IQCJ: variants seen among roughly 807,000 people sequenced by gnomAD.
The protein encoded by IQCJ is IQ domain-containing protein J.
IQCJ carries 9 observed loss-of-function variants against 11.0 expected under a neutral mutation model. The ratio of observed to expected loss-of-function variants is 0.82; its 90% CI spans 0.49 to 1.43. The LOEUF is 1.43. IQCJ is among the 40% of genes most tolerant of loss of function. The pLI is 0.00. For synonymous variants in IQCJ, 55 were observed against 51.3 expected (o/e 1.07, Z -0.31); for missense variants, 146 against 133.2 (o/e 1.10, Z -0.47).
chr3:159,079,018 G>T (rs1435013265), intron 1 of IQCJ, among the ~76,000 whole-genome samples: 3 of 152,032 alleles, frequency 2.0e-5, no homozygotes, highest in Non-Finnish European at 4.4e-5. Flanking sequence ...TGGCAGGCAG[G>T]GTTCTGATAG....
intron 3 of IQCJ, among the ~76,000 whole-genome samples, chr3:159,261,294 C>T (rs566997477): frequency 3.9e-5 from 6 of 152,232 alleles, no homozygotes; most frequent in South Asian, 4.1e-4. Context: ...ACAACTAGTC[C>T]GCATGAACTG....
chr3:159,251,488 TAATCTATTGATGGTTTGTTA>T (rs1405678196), intron 2 of IQCJ, among the ~76,000 whole-genome samples: 1 of 151,872 alleles, frequency 6.6e-6, no homozygotes, highest in Admixed American at 6.6e-5. Flanking sequence ...CTGTAGATCA[TAATCTATTGATGGTTTGTTA>T]AATAAATTTG....
In IQCJ at chr3:159,069,468, C is replaced by A. The variant is rs750669096; in HGVS notation, c.9+27C>A. 20 of 1,606,194 alleles carry A rather than the reference C, an allele frequency of 1.2e-5. No homozygotes were observed. In the South Asian group the frequency reaches 2.0e-4, roughly 16 times the overall value. On this transcript the variant is annotated intron_variant, in intron 1 of 3. Coordinates refer to ENST00000397832, the MANE Select transcript of IQCJ (RefSeq NM_001042706.3). ...TAATGTATTTGCTTTTCTAAACGTG[C>A]CACTTTGATGTGCATTATATGCAGC...
intron 1 of IQCJ, among the ~76,000 whole-genome samples, chr3:159,172,351 A>C (rs1722524738): frequency 6.6e-6 from 1 of 152,200 alleles, no homozygotes. Context: ...CAACCATGAA[A>C]AAGTATACAT....
Position 159,182,729 on chromosome 3 carries a change from A to G in IQCJ, c.10-63114A>G, listed in dbSNP as rs1054482725. 2.0e-4 allele frequency among the ~76,000 whole-genome samples: 31 copies of G among 151,900 alleles called. 1 individual carries two copies. Among genetic ancestry groups the G allele is most frequent in the Admixed American group, 6.6e-4 (10 of 15,260 alleles). On this transcript the variant is annotated intron_variant, in intron 1 of 3. Coordinates refer to ENST00000397832, the MANE Select transcript of IQCJ (RefSeq NM_001042706.3). ...CAGTGCTTTTCTATCAATGTCTGTA[A>G]TCTATAGATAACCGATTAGGTCAGG...
rs192334196 is a variant in IQCJ at position 159,219,163 on chromosome 3, G to A, written c.10-26680G>A. On this transcript the variant is annotated intron_variant, in intron 1 of 3. Transcript: ENST00000397832. ...CACAGTTCTAGGGGGCATCTCTAGGGACCATTACTCTGTTTACTAGAACCT... is the reference window on the plus strand; with the variant it reads ...CACAGTTCTAGGGGGCATCTCTAGGAACCATTACTCTGTTTACTAGAACCT... Among the ~76,000 whole-genome samples, 90 of 152,116 alleles carry A rather than the reference G, an allele frequency of 5.9e-4. 1 individual carries two copies. In the South Asian group the frequency reaches 0.01, roughly 18 times the overall value.
At chr3:159,132,523 C>A (rs193059321) in intron 1 of IQCJ, among the ~76,000 whole-genome samples, 1 of 152,192 alleles carries the variant, frequency 6.6e-6, no homozygotes, top group East Asian at 1.9e-4. Context: ...AGTTGTGTGA[C>A]CAGAGACAAA....
At chr3:159,162,940 C>G (rs1487915938) in intron 1 of IQCJ, among the ~76,000 whole-genome samples, 1 of 152,092 alleles carries the variant, frequency 6.6e-6, no homozygotes, top group Non-Finnish European at 1.5e-5. Context: ...AGTAGCTTAC[C>G]AACTAAAAAG....
chr3:159,108,632 C>A (rs1718422773), intron 1 of IQCJ, among the ~76,000 whole-genome samples: 1 of 152,174 alleles, frequency 6.6e-6, no homozygotes, highest in African/African-American at 2.4e-5. Context: ...AGCTGTGAAA[C>A]TAATGTAATG....
intron 1 of IQCJ, among the ~76,000 whole-genome samples, chr3:159,224,255 T>C (rs1725715992): frequency 6.6e-6 from 1 of 152,070 alleles, no homozygotes; most frequent in South Asian, 2.1e-4. Context: ...ACAATTTGAG[T>C]TATAGTAATA....
At chr3:159,207,616 G>A (rs1468409299) in intron 1 of IQCJ, among the ~76,000 whole-genome samples, 1 of 152,164 alleles carries the variant, frequency 6.6e-6, no homozygotes, top group African/African-American at 2.4e-5. Flanking sequence ...AGGCCTAATG[G>A]AGTCATATTC....
intron 1 of IQCJ, among the ~76,000 whole-genome samples, chr3:159,186,916 A>C (rs1723403602): frequency 6.6e-6 from 1 of 152,184 alleles, no homozygotes; most frequent in South Asian, 2.1e-4. Context: ...CTGAAGAGTG[A>C]AAAACAAGCC....
intron 1 of IQCJ, among the ~76,000 whole-genome samples, chr3:159,134,834 A>C (rs1720196629): frequency 6.6e-6 from 1 of 152,342 alleles, no homozygotes; most frequent in Non-Finnish European, 1.5e-5. Flanking sequence ...TTCAGGGTGA[A>C]TAATTACCTT....
Position 159,107,959 on chromosome 3 carries a change from C to T in IQCJ, c.9+38518C>T, listed in dbSNP as rs1050667162. Among the ~76,000 whole-genome samples the T allele has an allele frequency of 8.1e-5, 12 of 148,730 alleles. No homozygotes were observed. In the East Asian group the frequency reaches 2.4e-3, roughly 29 times the overall value. ...CTGCTCCTGCTTGCAGGCTTCCTTA[C>T]CCTAGCTGTGCGAATTGAGATTGTG... On this transcript the variant is annotated intron_variant, in intron 1 of 3. Coordinates refer to ENST00000397832, the MANE Select transcript of IQCJ (RefSeq NM_001042706.3).
Position 159,245,859 on chromosome 3 carries a change from T to G in IQCJ, c.26T>G (p.Leu9Trp), listed in dbSNP as rs1489430605. The change falls in exon 2 of 4, where the codon TTG (leucine) becomes TGG (tryptophan). Residue 9 changes from leucine to tryptophan, a missense_variant. Coordinates refer to ENST00000397832, the MANE Select transcript of IQCJ (RefSeq NM_001042706.3). MRLEELKRLQNPLEQVNDG... is the reference protein window; with the variant it reads MRLEELKRWQNPLEQVNDG... ...TTTTCACAGGAAGAACTGAAAAGAT[T>G]GCAGAATCCTCTAGAACAAGTTAAT... The G allele has an allele frequency of 2.6e-6, 4 of 1,547,336 alleles. No homozygotes were observed. Among genetic ancestry groups the G allele is most frequent in the Non-Finnish European group, 2.6e-6 (3 of 1,141,596 alleles).
intron 1 of IQCJ, among the ~76,000 whole-genome samples, chr3:159,223,887 A>G (rs879603612): frequency 2.6e-5 from 4 of 152,208 alleles, no homozygotes; most frequent in Admixed American, 2.6e-4. Flanking sequence ...AACACAAATG[A>G]ATTTGTGTTT....
chr3:159,265,237 A>G (rs1299963655), downstream of IQCJ: 6 of 1,613,654 alleles, frequency 3.7e-6, no homozygotes, highest in Non-Finnish European at 5.1e-6. Flanking sequence ...CCTGTTGGGA[A>G]GATTCATCCT....
At chr3:159,185,488 G>A (rs1723325202) in intron 1 of IQCJ, among the ~76,000 whole-genome samples, 1 of 152,080 alleles carries the variant, frequency 6.6e-6, no homozygotes, top group East Asian at 1.9e-4. Context: ...TGTCATATTA[G>A]TTTTTTATTA....
chr3:159,254,889 G>T (rs1453760195), intron 3 of IQCJ, among the ~76,000 whole-genome samples: 1 of 152,164 alleles, frequency 6.6e-6, no homozygotes, highest in Non-Finnish European at 1.5e-5. Flanking sequence ...AGGGGCCATT[G>T]GGTCTCCTGT....
Sources: allele counts gnomAD v4.1 joint callset (sites outside exome capture counted in the v4.1 genomes callset), GRCh38; gene constraint gnomAD v4.1.1; transcripts MANE v1.5; gene names NCBI Gene and HGNC (gene_info 2026-07-23, HGNC 2026-07-21).